INTS13: variants seen among roughly 807,000 people sequenced by gnomAD.
INTS13 encodes the protein asunder, spermatogenesis regulator homolog (Drosphila).
INTS13 carries 35 observed loss-of-function variants against 90.2 expected under a neutral mutation model. The observed-to-expected ratio is 0.39, with a 90% CI of 0.30 to 0.51. INTS13 has a LOEUF of 0.51. INTS13 is among the 20% of genes least tolerant of loss of function. The pLI is 0.80. For missense variants in INTS13, 601 were observed against 851.2 expected (o/e 0.71, Z 3.66); for synonymous variants, 309 against 277.1 (o/e 1.11, Z -1.14).
intron 1 of INTS13, among the ~76,000 whole-genome samples, chr12:26,937,375 G>C (rs969305986): frequency 6.6e-6 from 1 of 152,126 alleles, no homozygotes; most frequent in Admixed American, 6.5e-5. Context: ...CTTCGCCTTA[G>C]GATAAGGACC....
At chr12:26,924,942 T>C (rs1937784174) in intron 6 of INTS13, among the ~76,000 whole-genome samples, 1 of 152,092 alleles carries the variant, frequency 6.6e-6, no homozygotes, top group Non-Finnish European at 1.5e-5. Context: ...CTGTCACCAA[T>C]AAATAAGGCA....
In INTS13 at chr12:26,917,182, T is replaced by C. The variant is rs886704868; in HGVS notation, c.1069+170A>G. On this transcript the variant is annotated intron_variant, in intron 10 of 16. Coordinates refer to ENST00000261191, the MANE Select transcript of INTS13 (RefSeq NM_018164.3). ...AAAACTGTTAAAGGGTATTTCAAATTACATAAGTTTAAAACAGCTTTGGCA... is the reference window on the plus strand; with the variant it reads ...AAAACTGTTAAAGGGTATTTCAAATCACATAAGTTTAAAACAGCTTTGGCA... Among the ~76,000 whole-genome samples the C allele has an allele frequency of 1.9e-4, 29 of 152,020 alleles. 1 individual carries two copies. The highest frequency in any genetic ancestry group is 6.8e-4 in the African/African-American group (28 of 41,430).
At chr12:26,930,696 G>A (rs1938141202) in intron 3 of INTS13, among the ~76,000 whole-genome samples, 1 of 152,158 alleles carries the variant, frequency 6.6e-6, no homozygotes, top group Admixed American at 6.5e-5. Context: ...ATTCCTTTAT[G>A]ACTAGCATAC....
At chr12:26,935,221 C>T (rs1313438879) in intron 2 of INTS13, among the ~76,000 whole-genome samples, 1 of 152,170 alleles carries the variant, frequency 6.6e-6, no homozygotes, top group African/African-American at 2.4e-5. Context: ...GGTCTTTACG[C>T]TAAGTTTTAA....
chr12:26,921,857 T>C (rs897941473), intron 8 of INTS13, among the ~76,000 whole-genome samples: 3 of 152,228 alleles, frequency 2.0e-5, no homozygotes, highest in Admixed American at 6.5e-5. Flanking sequence ...GCCTTCGCCA[T>C]GTTGGCCACG....
chr12:26,921,992 T>C (rs1372919193), intron 8 of INTS13, among the ~76,000 whole-genome samples: 3 of 152,134 alleles, frequency 2.0e-5, no homozygotes, highest in East Asian at 1.9e-4. Flanking sequence ...ATTCCAGAAA[T>C]AAACAATTCA....
At chr12:26,933,201 A>G (rs1938292168) in intron 3 of INTS13, among the ~76,000 whole-genome samples, 1 of 152,204 alleles carries the variant, frequency 6.6e-6, no homozygotes, top group African/African-American at 2.4e-5. Flanking sequence ...CAATGAGATG[A>G]TCAGTGAGAA....
At chr12:26,928,673 G>A (rs745619989) in intron 4 of INTS13, 30 bp downstream of exon 4, 6 of 1,603,890 alleles carry the variant, frequency 3.7e-6, no homozygotes, top group Non-Finnish European at 4.3e-6. Flanking sequence ...AATTCCCACA[G>A]TGAAAGAATT....
intron 10 of INTS13, among the ~76,000 whole-genome samples, chr12:26,916,490 A>T (rs138707883): frequency 6.6e-6 from 1 of 152,302 alleles, no homozygotes; most frequent in Non-Finnish European, 1.5e-5. Flanking sequence ...CCTGGACCTC[A>T]AGAAGAAAAG....
At chr12:26,922,179 T>G (rs551915304) in intron 8 of INTS13, among the ~76,000 whole-genome samples, 1 of 152,302 alleles carries the variant, frequency 6.6e-6, no homozygotes, top group South Asian at 2.1e-4. Flanking sequence ...ATAGTGCTTG[T>G]GTTTAAGGTC....
chr12:26,926,822 G>C (rs1013683035), intron 5 of INTS13, among the ~76,000 whole-genome samples: 1 of 152,192 alleles, frequency 6.6e-6, no homozygotes, highest in Non-Finnish European at 1.5e-5. Flanking sequence ...ACTTTAGTGG[G>C]ATCCTGGACA....
chr12:26,915,590 T>G (rs1465074479), intron 11 of INTS13, among the ~76,000 whole-genome samples: 1 of 152,140 alleles, frequency 6.6e-6, no homozygotes, highest in Non-Finnish European at 1.5e-5. Context: ...ACAGAATTTC[T>G]ACCAAAAATG....
chr12:26,918,679 A>G (rs184938954), intron 8 of INTS13, among the ~76,000 whole-genome samples: 1,599 of 152,360 alleles, frequency 0.01, 19 homozygotes, highest in African/African-American at 0.036. Flanking sequence ...AGGGATCTGG[A>G]AAGTAAATAC....
At chr12:26,917,523 C>T in intron 9 of INTS13, 82 bp from the exon 10 acceptor site, 1 of 1,234,626 alleles carries the variant, frequency 8.1e-7, no homozygotes, top group Non-Finnish European at 1.2e-6. Flanking sequence ...AACTTCTTCA[C>T]TGAGTTCATT....
chr12:26,926,883 T>A (rs958543930), intron 5 of INTS13, among the ~76,000 whole-genome samples: 1 of 152,180 alleles, frequency 6.6e-6, no homozygotes, highest in African/African-American at 2.4e-5. Context: ...GATTAGAAGC[T>A]CAGCAGCATT....
At chr12:26,910,480 G>T (rs183126417) in intron 15 of INTS13, among the ~76,000 whole-genome samples, 2 of 152,036 alleles carry the variant, frequency 1.3e-5, no homozygotes, top group African/African-American at 4.8e-5. Flanking sequence ...TGCTGTTCTC[G>T]TGATAGTGAG....
At chr12:26,923,458 T>C (rs1410095487) in intron 7 of INTS13, among the ~76,000 whole-genome samples, 1 of 152,202 alleles carries the variant, frequency 6.6e-6, no homozygotes, top group Non-Finnish European at 1.5e-5. Context: ...TTGTTCATAA[T>C]ATAGTGGCAG....
intron 6 of INTS13, among the ~76,000 whole-genome samples, chr12:26,925,100 C>T (rs980748803): frequency 6.6e-6 from 1 of 152,032 alleles, no homozygotes; most frequent in East Asian, 1.9e-4. Context: ...AAAAAAGAGG[C>T]TTATGCTGGA....
chr12:26,913,825 A>T, intron 13 of INTS13, 138 bp from the exon 14 acceptor site: 1 of 1,098,372 alleles, frequency 9.1e-7, no homozygotes, highest in Non-Finnish European at 1.3e-6. Flanking sequence ...GCTACAATAT[A>T]TCCATTTCTA....
Sources: gnomAD v4.1 joint callset for allele counts (sites outside exome capture counted in the v4.1 genomes callset) on GRCh38, gnomAD v4.1.1 for gene constraint, MANE v1.5 for transcripts, NCBI Gene and HGNC (gene_info 2026-07-23, HGNC 2026-07-21) for gene names.